SSBP3: variants seen among roughly 807,000 people sequenced by gnomAD.
The protein encoded by SSBP3 is single stranded DNA binding protein 3.
SSBP3 carries 5 observed loss-of-function variants against 69.6 expected under a neutral mutation model. That is an observed-to-expected ratio of 0.07 (90% CI 0.04 to 0.15). The LOEUF (loss-of-function observed/expected upper bound fraction) is 0.15. Among genes scored for constraint, SSBP3 ranks in the 10% least tolerant of loss-of-function variants. The pLI is 1.00. For synonymous variants in SSBP3, 196 were observed against 193.4 expected (o/e 1.01, Z -0.11); for missense variants, 312 against 534.0 (o/e 0.58, Z 4.10).
At chr1:54,257,628 A>G (rs1644945223) in intron 6 of SSBP3, among the ~76,000 whole-genome samples, 1 of 152,122 alleles carries the variant, frequency 6.6e-6, no homozygotes, top group African/African-American at 2.4e-5. Flanking sequence ...AGGGACAGAG[A>G]GGGGAGCAAG....
intron 4 of SSBP3, among the ~76,000 whole-genome samples, chr1:54,323,233 A>T (rs770284046): frequency 6.6e-6 from 1 of 152,200 alleles, no homozygotes. Context: ...TAAGCCCCCA[A>T]ATTCTGCTTC....
chr1:54,314,717 A>G (rs562808684), intron 4 of SSBP3, among the ~76,000 whole-genome samples: 59 of 152,318 alleles, frequency 3.9e-4, no homozygotes, highest in Non-Finnish European at 5.9e-5. Context: ...TTTTTGTGGA[A>G]CTGGTCTCAC....
At chr1:54,226,477 C>T (rs1005128514) in exon 18 of SSBP3, 6 of 152,922 alleles carry the variant, frequency 3.9e-5, no homozygotes, top group Non-Finnish European at 8.8e-5. Flanking sequence ...ACGGTGACTG[C>T]CTTTTCTTCT....
At chr1:54,259,268 A>C (rs1272320559) in intron 5 of SSBP3, among the ~76,000 whole-genome samples, 1 of 152,256 alleles carries the variant, frequency 6.6e-6, no homozygotes, top group East Asian at 1.9e-4. Context: ...TGCAATAATT[A>C]TCTCTTAAAA....
intron 4 of SSBP3, among the ~76,000 whole-genome samples, chr1:54,345,068 C>CA (rs1646666800): frequency 6.6e-6 from 1 of 152,164 alleles, no homozygotes; most frequent in East Asian, 1.9e-4. Context: ...CCACTCCTGT[C>CA]ATCTGTGCGG....
chr1:54,398,650 C>G (rs542517464), intron 4 of SSBP3, among the ~76,000 whole-genome samples: 5 of 152,318 alleles, frequency 3.3e-5, no homozygotes, highest in Admixed American at 3.3e-4. Flanking sequence ...GGGCTTTTGT[C>G]AACACTCTGA....
Position 54,385,107 on chromosome 1 carries a change from C to G in SSBP3, c.276+16754G>C, listed in dbSNP as rs779813926. On this transcript the variant is annotated intron_variant, in intron 4 of 17. Coordinates refer to ENST00000610401, the Ensembl canonical transcript of SSBP3. ...AGGAAGTCATCCTGAGCGCAGATCC[C>G]TAGATGAGGCCTGAGCACAGCCCCT... Among the ~76,000 whole-genome samples, 6 of 152,182 alleles carry G rather than the reference C, an allele frequency of 3.9e-5. 1 individual carries two copies. The highest frequency in any genetic ancestry group is 6.5e-5 in the Admixed American group (1 of 15,292).
At chr1:54,413,222 C>T (rs968216164) in intron 1 of SSBP3, 8 of 152,180 alleles carry the variant, frequency 5.3e-5, no homozygotes, top group African/African-American at 1.9e-4. Context: ...TTCCTGTTAT[C>T]CTTTAACGGA....
rs568925562 is a variant in SSBP3 at position 54,255,242 on chromosome 1, CTT to C, written c.507+1883_507+1884del. ...ATGATGGATTTATCCCCCATTTGCT[CTT>C]GAGTGGTTGCTCATGCTTAGTTGCT... On this transcript the variant is annotated intron_variant, in intron 7 of 17. Transcript: ENST00000610401. Among the ~76,000 whole-genome samples the C allele has an allele frequency of 2.6e-3, 402 of 151,920 alleles. 1 individual carries two copies. Among genetic ancestry groups the C allele is most frequent in the South Asian group, 5.0e-3 (24 of 4,808 alleles).
At chr1:54,266,767 T>C (rs1019874588) in intron 5 of SSBP3, among the ~76,000 whole-genome samples, 1 of 151,744 alleles carries the variant, frequency 6.6e-6, no homozygotes, top group Non-Finnish European at 1.5e-5. Context: ...ACAAACAGAA[T>C]GAGCACTGGC....
chr1:54,371,953 A>T lies in SSBP3; in HGVS notation c.276+29908T>A, dbSNP rs556249259. The stretch of plus-strand genomic sequence containing the variant: ...ACAGCCAACTCCACCCGAGAACCTC[A>T]TCCTTTCACGGACATGGGTTATACT... On this transcript the variant is annotated intron_variant, in intron 4 of 17. Coordinates refer to ENST00000610401, the Ensembl canonical transcript of SSBP3. 2.0e-5 allele frequency among the ~76,000 whole-genome samples: 3 copies of T among 152,306 alleles called. No homozygotes were observed. In the East Asian group the frequency reaches 5.8e-4, roughly 29 times the overall value.
intron 4 of SSBP3, among the ~76,000 whole-genome samples, chr1:54,400,956 G>A (rs1425273223): frequency 6.6e-5 from 10 of 152,202 alleles, no homozygotes; most frequent in Non-Finnish European, 2.9e-5. Flanking sequence ...GCACACAGAA[G>A]AGCAAGACCA....
At chr1:54,333,940 T>C (rs750272908) in intron 4 of SSBP3, among the ~76,000 whole-genome samples, 26 of 152,050 alleles carry the variant, frequency 1.7e-4, no homozygotes, top group Non-Finnish European at 3.7e-4. Context: ...TGATGTGTTG[T>C]CTGCTACTCA....
intron 4 of SSBP3, among the ~76,000 whole-genome samples, chr1:54,383,045 A>G (rs1435520191): frequency 6.8e-6 from 1 of 146,958 alleles, no homozygotes; most frequent in Admixed American, 6.9e-5. Flanking sequence ...AGAAAGAAAG[A>G]GAAGGAAGGA....
intron 4 of SSBP3, among the ~76,000 whole-genome samples, chr1:54,361,394 G>A (rs996101378): frequency 6.6e-6 from 1 of 152,244 alleles, no homozygotes; most frequent in African/African-American, 2.4e-5. Flanking sequence ...ACAGATAGAG[G>A]TTTAAAGCAG....
intron 14 of SSBP3, chr1:54,238,563 G>A: frequency 2.9e-6 from 1 of 345,808 alleles, no homozygotes; most frequent in South Asian, 2.5e-5. Flanking sequence ...GGACACAGGA[G>A]GAAGTGGGGC....
At chr1:54,251,150 A>T (rs608386) in intron 9 of SSBP3, among the ~76,000 whole-genome samples, 9,842 of 152,226 alleles carry the variant, frequency 0.065, 338 homozygotes, top group African/African-American at 0.072. Context: ...GGTCAAAGTG[A>T]TTCATCCAAG....
intron 4 of SSBP3, among the ~76,000 whole-genome samples, chr1:54,349,008 C>G (rs191769084): frequency 6.6e-6 from 1 of 152,170 alleles, no homozygotes. Flanking sequence ...TTCACCCATT[C>G]GACAAGAAAC....
chr1:54,364,884 G>A (rs1400375525), intron 4 of SSBP3, among the ~76,000 whole-genome samples: 1 of 152,130 alleles, frequency 6.6e-6, no homozygotes, highest in Non-Finnish European at 1.5e-5. Context: ...AACTCTGCCC[G>A]TGAATAGTCC....
Sources: gnomAD v4.1 joint callset for allele counts (sites outside exome capture counted in the v4.1 genomes callset) on GRCh38, gnomAD v4.1.1 for gene constraint, MANE v1.5 for transcripts, NCBI Gene and HGNC (gene_info 2026-07-23, HGNC 2026-07-21) for gene names.